Variants in RCAN3 observed in about 807,000 individuals in gnomAD.
RCAN3 encodes calcipressin-3.
A neutral mutation model predicts 21.9 loss-of-function variants in RCAN3; 19 were observed. That is an observed-to-expected ratio of 0.87 (90% CI 0.61 to 1.27). The LOEUF is 1.27. Among genes scored for constraint, RCAN3 ranks in the 50% most tolerant of loss-of-function variants. The pLI, the probability that RCAN3 is intolerant of heterozygous loss-of-function variation, is 0.00. For missense variants in RCAN3, 240 were observed against 300.1 expected (o/e 0.80, Z 1.48); for synonymous variants, 114 against 112.3 (o/e 1.01, Z -0.09).
chr1:24,503,474 C>T (rs1647232559), intron 1 of RCAN3, among the ~76,000 whole-genome samples: 1 of 152,338 alleles, frequency 6.6e-6, no homozygotes. Context: ...CCGACAGGCC[C>T]AGCCTGCCTG....
rs551554743 is a variant in RCAN3 at position 24,537,730 on chromosome 1, C to T, written c.*2453C>T. ...CCTGACCAACATGGTGAAATCCTGT[C>T]TCTACTTAAAAAATACAAAATTAGC... On this transcript the variant is annotated 3_prime_UTR_variant, in exon 5 of 5. Transcript: ENST00000374395. 1.3e-5 allele frequency: 2 copies of T among 152,238 alleles called. No homozygotes were observed. The highest frequency in any genetic ancestry group is 4.2e-4 in the South Asian group (2 of 4,818). The allele number at this position is 152,238 out of a possible 1,614,324, so 9.4% of individuals were successfully genotyped here. A position where few individuals can be genotyped will look rare whatever the true frequency, so the allele number is the denominator to read the frequency against.
intron 2 of RCAN3, among the ~76,000 whole-genome samples, chr1:24,527,083 G>C (rs982172020): frequency 1.3e-5 from 2 of 152,080 alleles, no homozygotes; most frequent in African/African-American, 4.8e-5. Context: ...TCAGGTTGGA[G>C]TGCAGTGGCG....
At chr1:24,527,120 C>T (rs1013516748) in intron 2 of RCAN3, among the ~76,000 whole-genome samples, 6 of 152,134 alleles carry the variant, frequency 3.9e-5, no homozygotes, top group Admixed American at 3.9e-4. Context: ...CAACCTCTGC[C>T]TCCCAGGCTC....
At chr1:24,524,777 C>T (rs1318907048) in intron 2 of RCAN3, among the ~76,000 whole-genome samples, 3 of 151,276 alleles carry the variant, frequency 2.0e-5, no homozygotes, top group Non-Finnish European at 4.4e-5. Flanking sequence ...CAAGCCATTC[C>T]TTCTCAAGAG....
intron 3 of RCAN3, among the ~76,000 whole-genome samples, chr1:24,531,741 A>G (rs529278712): frequency 6.6e-5 from 10 of 152,272 alleles, no homozygotes; most frequent in Admixed American, 5.9e-4. Flanking sequence ...GAAATAAGAC[A>G]TGAAATCCTT....
chr1:24,535,033 A>G, intron 4 of RCAN3, 60 bp from the exon 5 acceptor site: 1 of 1,460,918 alleles, frequency 6.8e-7, no homozygotes, highest in Admixed American at 2.3e-5. Context: ...GCAAGGGACA[A>G]AAGAGTTCTT....
At chr1:24,531,179 TC>T in intron 2 of RCAN3, 38 bp from the exon 3 acceptor site, 10 of 1,360,708 alleles carry the variant, frequency 7.3e-6, no homozygotes, top group Admixed American at 2.5e-5. Context: ...TTTTTTTTTT[TC>T]CTCCCCTTCC....
intron 2 of RCAN3, among the ~76,000 whole-genome samples, chr1:24,517,231 C>T (rs534792958): frequency 9.2e-5 from 14 of 152,186 alleles, no homozygotes; most frequent in Non-Finnish European, 1.6e-4. Context: ...TCTCCTGCCT[C>T]AGCTTCCTGA....
intron 2 of RCAN3, 105 bp downstream of exon 2, chr1:24,514,672 G>GGACA: frequency 2.6e-6 from 3 of 1,166,782 alleles, no homozygotes; most frequent in Non-Finnish European, 3.6e-6. Flanking sequence ...TATAGAAAGT[G>GGACA]TATGTCCACT....
chr1:24,505,463 C>G (rs1647370843), intron 1 of RCAN3, among the ~76,000 whole-genome samples: 1 of 151,776 alleles, frequency 6.6e-6, no homozygotes, highest in African/African-American at 2.4e-5. Context: ...GCTCTGGCAG[C>G]CCGCCTGCCT....
chr1:24,509,126 A>C lies in RCAN3; in HGVS notation c.-59-5188A>C, dbSNP rs557767661. 1.4e-4 allele frequency among the ~76,000 whole-genome samples: 22 copies of C among 152,308 alleles called. No individual in the cohort carries two copies. The South Asian group carries it at 4.6e-3, about 32-fold the overall frequency. On this transcript the variant is annotated intron_variant, in intron 1 of 4. Transcript: ENST00000374395. The stretch of plus-strand genomic sequence containing the variant: ...ACAGTGAACATGATCACGCCACTGC[A>C]CTAGAGTCTGGGCAACAGAGTGAGA...
At chr1:24,518,550 T>C (rs754969276) in intron 2 of RCAN3, among the ~76,000 whole-genome samples, 3 of 152,046 alleles carry the variant, frequency 2.0e-5, no homozygotes, top group Admixed American at 6.6e-5. Flanking sequence ...CCCAATGTGA[T>C]TGTATTTGCT....
At chr1:24,523,389 C>A (rs937417005) in intron 2 of RCAN3, among the ~76,000 whole-genome samples, 2 of 151,902 alleles carry the variant, frequency 1.3e-5, no homozygotes, top group Non-Finnish European at 2.9e-5. Flanking sequence ...AGAACGGAAT[C>A]TACATAAAAG....
chr1:24,528,455 G>A (rs1252488308), intron 2 of RCAN3, among the ~76,000 whole-genome samples: 1 of 152,012 alleles, frequency 6.6e-6, no homozygotes, highest in Non-Finnish European at 1.5e-5. Context: ...TTCTTTTTAT[G>A]AGGCATATCT....
At chr1:24,507,422 G>A (rs1647528163) in intron 1 of RCAN3, 1 of 152,166 alleles carries the variant, frequency 6.6e-6, no homozygotes, top group Non-Finnish European at 1.5e-5. Flanking sequence ...ACATATCAGT[G>A]GGGTAACTAA....
chr1:24,513,938 G>A (rs1648090067), intron 1 of RCAN3, among the ~76,000 whole-genome samples: 2 of 152,194 alleles, frequency 1.3e-5, no homozygotes, highest in South Asian at 4.1e-4. Flanking sequence ...CAGTGTTGTA[G>A]ATGGAAAACC....
intron 1 of RCAN3, among the ~76,000 whole-genome samples, chr1:24,509,818 T>G (rs548000770): frequency 3.3e-5 from 5 of 152,346 alleles, no homozygotes; most frequent in Non-Finnish European, 5.9e-5. Context: ...TGCCCAGATC[T>G]ATCTGAGGAA....
intron 1 of RCAN3, among the ~76,000 whole-genome samples, chr1:24,503,351 G>A (rs1351162340): frequency 6.6e-6 from 1 of 151,860 alleles, no homozygotes; most frequent in African/African-American, 2.4e-5. Flanking sequence ...CTTCTCGCGC[G>A]CGGGGTCTAG....
intron 2 of RCAN3, among the ~76,000 whole-genome samples, chr1:24,524,705 AAGAC>A (rs1272158859): frequency 6.6e-6 from 1 of 152,194 alleles, no homozygotes; most frequent in Non-Finnish European, 1.5e-5. Context: ...GATTTACAGA[AAGAC>A]GTAGAATATA....
Sources: allele counts gnomAD v4.1 joint callset (sites outside exome capture counted in the v4.1 genomes callset), GRCh38; gene constraint gnomAD v4.1.1; transcripts MANE v1.5; gene names NCBI Gene and HGNC (gene_info 2026-07-23, HGNC 2026-07-21).